Variants in RTN4R observed in about 807,000 individuals in gnomAD.
RTN4R encodes the protein reticulon-4 receptor.
In RTN4R, 4 loss-of-function variants were observed where a neutral mutation model predicts 27.7. The ratio of observed to expected loss-of-function variants is 0.14; its 90% CI spans 0.07 to 0.33. RTN4R has a LOEUF of 0.33. Ranked by LOEUF, RTN4R falls within the 10% of genes least tolerant of loss-of-function variation. The pLI is 1.00. For missense variants in RTN4R, 554 were observed against 671.5 expected, an observed-to-expected ratio of 0.83 and a Z score of 1.93; for synonymous variants, 290 against 305.6, an observed-to-expected ratio of 0.95 and a Z score of 0.53.
chr22:20,260,169 CTGT>C (rs1309204394), intron 1 of RTN4R, among the ~76,000 whole-genome samples: 1 of 152,146 alleles, frequency 6.6e-6, no homozygotes, highest in African/African-American at 2.4e-5. Context: ...GGCAGTCCTG[CTGT>C]TGTCTCACGT....
intron 1 of RTN4R, chr22:20,243,488 T>G: frequency 3.9e-6 from 2 of 512,238 alleles, no homozygotes; most frequent in Non-Finnish European, 7.8e-6. Context: ...ATTGCAGGAG[T>G]CCCCGGGGGG....
Position 20,268,110 on chromosome 22 carries a change from G to GCGCGT in RTN4R, c.-23_-19dup. The GCGCGT allele has an allele frequency of 8.5e-7, 1 of 1,174,470 alleles. No homozygotes were observed. Among genetic ancestry groups the GCGCGT allele is most frequent in the Non-Finnish European group, 1.1e-6 (1 of 947,048 alleles). 72.8% of individuals were successfully genotyped at this position (1,174,470 alleles called of 1,614,324 possible). A position where few individuals can be genotyped will look rare whatever the true frequency, so the allele number is the denominator to read the frequency against. On this transcript the variant is annotated 5_prime_UTR_variant, in exon 1 of 2. Transcript: ENST00000043402. ...CTCTTCATCGTAGGGGTTGGGCGGG[G>GCGCGT]CGCGTCGGGGACTGAAAGTCGTTTC... is the stretch of plus-strand genomic sequence containing the variant.
chr22:20,257,877 G>A (rs896019252), intron 1 of RTN4R, among the ~76,000 whole-genome samples: 1 of 152,102 alleles, frequency 6.6e-6, no homozygotes, highest in African/African-American at 2.4e-5. Context: ...CAACGTGATC[G>A]GCCCTGCAGG....
In RTN4R at chr22:20,255,890, T is replaced by C. The variant is rs2051209382; in HGVS notation, c.22+12181A>G. On this transcript the variant is annotated intron_variant, in intron 1 of 1. Transcript: ENST00000043402. This position sits in a 1 kb window ranked among gnomAD's most constrained non-coding sequence, Gnocchi z 4.8. ...TCTCAGCTGCTATGAGAGCCCCCAA[T>C]GCGTCTCCACAACCAAACCGAGGCA... Among the ~76,000 whole-genome samples the C allele has an allele frequency of 6.6e-6, 1 of 152,310 alleles. No homozygotes were observed. Among genetic ancestry groups the C allele is most frequent in the Middle Eastern group, 3.4e-3 (1 of 294 alleles).
At chr22:20,258,811 A>G (rs73394095) in intron 1 of RTN4R, among the ~76,000 whole-genome samples, 293 of 152,230 alleles carry the variant, frequency 1.9e-3, no homozygotes, top group African/African-American at 6.8e-3. Flanking sequence ...CTCTGCCTGC[A>G]GGGGGCAGTA....
intron 1 of RTN4R, among the ~76,000 whole-genome samples, chr22:20,245,360 G>A (rs1347453171): frequency 2.0e-5 from 3 of 152,212 alleles, no homozygotes; most frequent in Non-Finnish European, 4.4e-5. Context: ...GGGCCTGCCC[G>A]CTGGTCTCCA....
In RTN4R at chr22:20,241,779, TGGG is replaced by T; in HGVS notation, c.1351_1353del (p.Pro451del). The T allele has an allele frequency of 6.4e-7, 1 of 1,557,988 alleles. No homozygotes were observed. Among genetic ancestry groups the T allele is most frequent in the Non-Finnish European group, 8.7e-7 (1 of 1,151,320 alleles). On this transcript the variant is annotated inframe_deletion, in exon 2 of 2. Transcript: ENST00000043402. ...AGGGGGGTGAGGCTGCAGGTGAGGCTGGGTAGGGCACCTGAGCCTTCTGAGTCA... is the reference window on the plus strand; with the variant it reads ...AGGGGGGTGAGGCTGCAGGTGAGGCTTAGGGCACCTGAGCCTTCTGAGTCA...
intron 1 of RTN4R, chr22:20,267,824 C>T (rs150069906): frequency 0.027 from 9,807 of 361,586 alleles, 182 homozygotes; most frequent in Non-Finnish European, 0.04. Context: ...CCACCCTCGG[C>T]CCTGCCGAAG....
chr22:20,244,109 G>A lies in RTN4R; in HGVS notation c.23-999C>T, dbSNP rs115094880. On this transcript the variant is annotated intron_variant, in intron 1 of 1. Coordinates refer to ENST00000043402, the MANE Select transcript of RTN4R (RefSeq NM_023004.6). Reference sequence around the variant, plus strand: ...CCTTCAGCAGTGAGTCTATTAAAATGTGAATCCCCCTGGGAAGGTTATGGC... The same window carrying A: ...CCTTCAGCAGTGAGTCTATTAAAATATGAATCCCCCTGGGAAGGTTATGGC... Among the ~76,000 whole-genome samples the A allele has an allele frequency of 5.9e-3, 898 of 152,360 alleles. 13 individuals are homozygous for A. The highest frequency in any genetic ancestry group is 0.02 in the African/African-American group (850 of 41,588).
Position 20,268,277 on chromosome 22 carries a change from GCGC to G in RTN4R, c.-188_-186del, listed in dbSNP as rs1245706363. On this transcript the variant is annotated 5_prime_UTR_variant, in exon 1 of 2. Coordinates refer to ENST00000043402, the MANE Select transcript of RTN4R (RefSeq NM_023004.6). ...TGGGCTCGGGCCGCGGGTGCGCAGG[GCGC>G]GCAGGGCGCACAGGGCGAGGGCGGC... 2.3e-3 allele frequency: 26 copies of G among 11,222 alleles called. No individual in the cohort carries two copies. The highest frequency in any genetic ancestry group is 7.8e-3 in the East Asian group (2 of 258). The allele number at this position is 11,222 out of a possible 1,614,324, so 0.7% of individuals were successfully genotyped here.
At chr22:20,243,541 A>G (rs751464211) in intron 1 of RTN4R, 4 of 469,652 alleles carry the variant, frequency 8.5e-6, no homozygotes, top group African/African-American at 6.0e-5. Context: ...AAACACTGCA[A>G]TGGGGCTGGG....
At chr22:20,257,324 C>T (rs1194321379) in intron 1 of RTN4R, among the ~76,000 whole-genome samples, 3 of 152,224 alleles carry the variant, frequency 2.0e-5, no homozygotes, top group African/African-American at 7.2e-5. Flanking sequence ...CGTGTCGAAG[C>T]CCTAACCCCC....
At chr22:20,266,299 G>A (rs1325692763) in intron 1 of RTN4R, among the ~76,000 whole-genome samples, 2 of 152,238 alleles carry the variant, frequency 1.3e-5, no homozygotes, top group Non-Finnish European at 2.9e-5. Flanking sequence ...GGGAGCAGGA[G>A]GTGTGGCCTG....
rs377595479 is a variant in RTN4R at position 20,255,166 on chromosome 22, G to A, written c.23-12056C>T. Among the ~76,000 whole-genome samples the A allele has an allele frequency of 4.6e-5, 7 of 152,240 alleles. 1 individual carries two copies. Among genetic ancestry groups the A allele is most frequent in the South Asian group, 4.1e-4 (2 of 4,832 alleles). On this transcript the variant is annotated intron_variant, in intron 1 of 1. Coordinates refer to ENST00000043402, the MANE Select transcript of RTN4R (RefSeq NM_023004.6). This position sits in a 1 kb window ranked among gnomAD's most constrained non-coding sequence, Gnocchi z 4.8. ...GAGCCCATTCTCCAGACCAGCCTCC[G>A]AGGCTGGGTGCAGGTGTTAACTCTG...
intron 1 of RTN4R, among the ~76,000 whole-genome samples, chr22:20,245,654 A>G (rs910642067): frequency 5.3e-5 from 8 of 152,140 alleles, no homozygotes; most frequent in African/African-American, 1.9e-4. Flanking sequence ...CAAGGCCACA[A>G]GGCCTCTCTG....
At chr22:20,266,046 C>T (rs868542089) in intron 1 of RTN4R, among the ~76,000 whole-genome samples, 2 of 143,060 alleles carry the variant, frequency 1.4e-5, no homozygotes, top group Non-Finnish European at 3.1e-5. Context: ...TGCCAGGTGG[C>T]GTCTAGGTGC....
In RTN4R at chr22:20,268,186, C is replaced by G. The variant is rs944711300; in HGVS notation, c.-94G>C. On this transcript the variant is annotated 5_prime_UTR_variant, in exon 1 of 2. Transcript: ENST00000043402. ...CCGGGTCCGCATCCAGGCGCCGCCG[C>G]TACGGCCCGGCCCCGGCCCGGCCGC... 4 of 538,952 alleles carry G rather than the reference C, an allele frequency of 7.4e-6. No homozygotes were observed. The highest frequency in any genetic ancestry group is 7.4e-6 in the Non-Finnish European group (3 of 404,574). 33.4% of individuals were successfully genotyped at this position (538,952 alleles called of 1,614,324 possible).
At chr22:20,252,147 C>T (rs868547359) in intron 1 of RTN4R, among the ~76,000 whole-genome samples, 1 of 152,214 alleles carries the variant, frequency 6.6e-6, no homozygotes, top group South Asian at 2.1e-4. Flanking sequence ...TCACCATCCT[C>T]ATCCCTGTCA....
At chr22:20,254,908 A>C (rs1250991445) in intron 1 of RTN4R, among the ~76,000 whole-genome samples, 1 of 151,814 alleles carries the variant, frequency 6.6e-6, no homozygotes, top group East Asian at 1.9e-4. Context: ...CATGAAAGAG[A>C]AGGAAGGTCA....
Sources: allele counts gnomAD v4.1 joint callset (sites outside exome capture counted in the v4.1 genomes callset), GRCh38; gene constraint gnomAD v4.1.1; non-coding constraint Gnocchi (gnomAD v3.1); transcripts MANE v1.5; gene names NCBI Gene and HGNC (gene_info 2026-07-23, HGNC 2026-07-21).